The following TMTC2 variants were observed in gnomAD, a reference collection of about 807,000 sequenced individuals.
The protein encoded by TMTC2 is protein O-mannosyl-transferase TMTC2.
Under a neutral mutation model 82.4 loss-of-function variants are expected in TMTC2, and 43 were observed. The observed-to-expected ratio is 0.52, with a 90% CI of 0.41 to 0.67. The LOEUF is 0.67. Ranked by LOEUF, TMTC2 falls within the 30% of genes least tolerant of loss-of-function variation. The pLI, the probability that TMTC2 is intolerant of heterozygous loss-of-function variation, is 0.00. For synonymous variants in TMTC2, 408 were observed against 381.9 expected (o/e 1.07, Z -0.80); for missense variants, 919 against 1,012.4 (o/e 0.91, Z 1.25).
At chr12:82,854,095 T>A (rs1259736147) in intron 1 of TMTC2, among the ~76,000 whole-genome samples, 2 of 152,210 alleles carry the variant, frequency 1.3e-5, no homozygotes, top group Non-Finnish European at 2.9e-5. Flanking sequence ...CCAATTTATA[T>A]GGAAATTTAT....
intron 1 of TMTC2, among the ~76,000 whole-genome samples, chr12:82,816,773 A>G (rs982373963): frequency 3.9e-5 from 6 of 152,228 alleles, no homozygotes; most frequent in Non-Finnish European, 7.4e-5. Flanking sequence ...GGAAATATTT[A>G]GTAGAGATTG....
At chr12:82,881,974 A>G (rs1227624871) in intron 2 of TMTC2, among the ~76,000 whole-genome samples, 1 of 146,188 alleles carries the variant, frequency 6.8e-6, no homozygotes, top group Non-Finnish European at 1.5e-5. Context: ...CCATCCCCAG[A>G]CTCAATTTTT....
chr12:82,796,623 A>G (rs1406228324), intron 1 of TMTC2, among the ~76,000 whole-genome samples: 1 of 152,194 alleles, frequency 6.6e-6, no homozygotes, highest in Non-Finnish European at 1.5e-5. Context: ...TATATATTGC[A>G]TAACATATTT....
intron 4 of TMTC2, among the ~76,000 whole-genome samples, chr12:82,947,016 A>T (rs186516392): frequency 0.019 from 2,960 of 152,120 alleles, 79 homozygotes; most frequent in East Asian, 0.15. Flanking sequence ...TGCTGGGATT[A>T]CAGACGTGAG....
chr12:83,032,463 A>T (rs1051630407), intron 9 of TMTC2, among the ~76,000 whole-genome samples: 1 of 151,348 alleles, frequency 6.6e-6, no homozygotes, highest in African/African-American at 2.4e-5. Context: ...CTCCTAAAAT[A>T]TTTTTTTCCA....
chr12:82,976,632 C>T (rs951334316), intron 7 of TMTC2, among the ~76,000 whole-genome samples: 1 of 151,858 alleles, frequency 6.6e-6, no homozygotes, highest in Non-Finnish European at 1.5e-5. Flanking sequence ...ATATCTGGGG[C>T]AACTAGAGGG....
intron 1 of TMTC2, among the ~76,000 whole-genome samples, chr12:82,842,686 T>C (rs896780969): frequency 6.6e-6 from 1 of 152,194 alleles, no homozygotes; most frequent in African/African-American, 2.4e-5. Context: ...TTCTAGACTT[T>C]AGAAATCAAG....
intron 2 of TMTC2, among the ~76,000 whole-genome samples, chr12:82,881,623 T>C (rs952654658): frequency 1.3e-5 from 2 of 152,232 alleles, no homozygotes; most frequent in Non-Finnish European, 2.9e-5. Flanking sequence ...AAACATCTGA[T>C]GGATTGCCAC....
intron 1 of TMTC2, among the ~76,000 whole-genome samples, chr12:82,818,449 T>A (rs1377648858): frequency 6.6e-6 from 1 of 152,310 alleles, no homozygotes; most frequent in East Asian, 1.9e-4. Context: ...TTTGCCTGAC[T>A]CTTTCCATGC....
chr12:83,061,598 T>C (rs1338288110), intron 10 of TMTC2, among the ~76,000 whole-genome samples, 170 bp from the exon 11 acceptor site: 2 of 151,768 alleles, frequency 1.3e-5, no homozygotes, highest in African/African-American at 4.8e-5. Flanking sequence ...CTTAAATACA[T>C]TAACAAGTGC....
chr12:82,714,720 A>T (rs1187498895), intron 1 of TMTC2, among the ~76,000 whole-genome samples: 1 of 152,148 alleles, frequency 6.6e-6, no homozygotes, highest in African/African-American at 2.4e-5. Context: ...TTTTAAAAGG[A>T]TAATTAAAAT....
intron 9 of TMTC2, among the ~76,000 whole-genome samples, chr12:83,035,197 T>C (rs12301199): frequency 0.39 from 59,373 of 151,988 alleles, 11,845 homozygotes; most frequent in South Asian, 0.53. Context: ...TTAATTTATA[T>C]TTGCAGCAAT....
intron 2 of TMTC2, among the ~76,000 whole-genome samples, chr12:82,890,783 C>A (rs1329623364): frequency 6.6e-6 from 1 of 152,132 alleles, no homozygotes; most frequent in African/African-American, 2.4e-5. Context: ...CACACAGAGT[C>A]TCTCTTTTTT....
At chr12:82,822,616 C>T (rs192876104) in intron 1 of TMTC2, among the ~76,000 whole-genome samples, 2 of 152,258 alleles carry the variant, frequency 1.3e-5, no homozygotes, top group East Asian at 3.9e-4. Flanking sequence ...CTATACAGGT[C>T]TGACTTAGCT....
At chr12:83,084,851 A>G (rs1883597197) in intron 11 of TMTC2, among the ~76,000 whole-genome samples, 1 of 152,228 alleles carries the variant, frequency 6.6e-6, no homozygotes, top group Non-Finnish European at 1.5e-5. Flanking sequence ...CCATAAGACT[A>G]AGAGAAATAC....
chr12:82,765,918 A>G (rs1876933987), intron 1 of TMTC2, among the ~76,000 whole-genome samples: 2 of 152,270 alleles, frequency 1.3e-5, no homozygotes, highest in East Asian at 1.9e-4. Flanking sequence ...ACACTGAAAA[A>G]TGTTCATGAA....
At chr12:82,769,174 T>G (rs1488322882) in intron 1 of TMTC2, among the ~76,000 whole-genome samples, 1 of 151,518 alleles carries the variant, frequency 6.6e-6, no homozygotes, top group African/African-American at 2.4e-5. Context: ...TAAGAGCAAC[T>G]TAAGATGTAA....
At chr12:82,721,620 G>A (rs1414533963) in intron 1 of TMTC2, among the ~76,000 whole-genome samples, 1 of 152,118 alleles carries the variant, frequency 6.6e-6, no homozygotes, top group Non-Finnish European at 1.5e-5. Context: ...TGGAGTAAGA[G>A]CATAACTGAC....
chr12:83,019,767 TC>T lies in TMTC2; in HGVS notation c.2071-11029del, dbSNP rs1689590748. On this transcript the variant is annotated intron_variant, in intron 8 of 11. Transcript: ENST00000321196. Reference sequence around the variant, plus strand: ...TTCTCTCATGTCAGTCCACTAATCTTCCTTTCGTTGCCACTTCTCTACGTGC... The same window carrying T: ...TTCTCTCATGTCAGTCCACTAATCTTCTTTCGTTGCCACTTCTCTACGTGC... Among the ~76,000 whole-genome samples, 3 of 152,270 alleles carry T rather than the reference TC, an allele frequency of 2.0e-5. No individual in the cohort carries two copies. In the South Asian group the frequency reaches 6.2e-4, roughly 32 times the overall value.
Sources: gnomAD v4.1 joint callset for allele counts (sites outside exome capture counted in the v4.1 genomes callset) on GRCh38, gnomAD v4.1.1 for gene constraint, MANE v1.5 for transcripts, NCBI Gene and HGNC (gene_info 2026-07-23, HGNC 2026-07-21) for gene names.